SNTB2: variants seen among roughly 807,000 people sequenced by gnomAD.
SNTB2 encodes the protein syntrophin beta 2, also known as beta-2-syntrophin.
A neutral mutation model predicts 46.2 loss-of-function variants in SNTB2; 34 were observed. That is an observed-to-expected ratio of 0.74 (90% CI 0.56 to 0.98). The LOEUF is 0.98. Among genes scored for constraint, SNTB2 ranks in the 50% least tolerant of loss-of-function variants. The pLI is 0.00. For missense variants in SNTB2, 603 were observed against 731.4 expected (o/e 0.82, Z 2.02); for synonymous variants, 290 against 312.6 (o/e 0.93, Z 0.76).
Position 69,187,194 on chromosome 16 carries a change from G to C in SNTB2, c.28G>C (p.Ala10Pro). The C allele has an allele frequency of 7.2e-7, 1 of 1,384,152 alleles. No homozygotes were observed. Among genetic ancestry groups the C allele is most frequent in the Non-Finnish European group, 9.4e-7 (1 of 1,066,928 alleles). 85.7% of individuals were successfully genotyped at this position (1,384,152 alleles called of 1,614,324 possible). The part of the protein sequence containing the change: MRVAAATAA[A>P]GAGPAMAVWT... ...GAGGGTAGCTGCGGCGACTGCGGCG[G>C]CTGGAGCGGGGCCGGCCATGGCGGT... Residue 10 changes from alanine (A) to proline (P), a missense_variant, in exon 1 of 7, where the codon GCT becomes CCT. Physicochemically the swap from Ala to Pro is conservative, Grantham distance 27. This residue lies in a region of SNTB2 where 66 missense variants were observed against 39.0 expected (regional missense o/e 1.69). Coordinates refer to ENST00000336278, the MANE Select transcript of SNTB2 (RefSeq NM_006750.4).
intron 3 of SNTB2, among the ~76,000 whole-genome samples, chr16:69,268,601 A>G (rs929197434): frequency 6.6e-6 from 1 of 152,220 alleles, no homozygotes; most frequent in Admixed American, 6.5e-5. Context: ...GCGTTGGCTC[A>G]CGCCTGTAAT....
chr16:69,229,051 A>G (rs1567402700), intron 1 of SNTB2, among the ~76,000 whole-genome samples: 1 of 152,194 alleles, frequency 6.6e-6, no homozygotes, highest in Non-Finnish European at 1.5e-5. Flanking sequence ...GCAATTCCAT[A>G]CTGATACCCC....
At chr16:69,214,983 A>G (rs1182917818) in intron 1 of SNTB2, among the ~76,000 whole-genome samples, 1 of 151,600 alleles carries the variant, frequency 6.6e-6, no homozygotes, top group Non-Finnish European at 1.5e-5. Context: ...AGCTGGGATT[A>G]CAGGCATGTG....
At chr16:69,292,373 TATATA>T (rs1474698034) in intron 5 of SNTB2, among the ~76,000 whole-genome samples, 4 of 41,258 alleles carry the variant, frequency 9.7e-5, no homozygotes, top group Non-Finnish European at 1.7e-4. Context: ...TATATATATA[TATATA>T]TTATATATAT....
At position 69,303,773 on chromosome 16, in the gene SNTB2, T is replaced by C. The variant is rs1402573686; in HGVS notation, c.*2849T>C. Reference sequence around the variant, plus strand: ...AATGGGACACCATGATAAATATGTATTTATATTTAGATGCCAAAGTATGGC... The same window carrying C: ...AATGGGACACCATGATAAATATGTACTTATATTTAGATGCCAAAGTATGGC... On this transcript the variant is annotated 3_prime_UTR_variant, in exon 7 of 7. Transcript: ENST00000336278. 1.3e-5 allele frequency: 2 copies of C among 152,678 alleles called. No individual in the cohort carries two copies. Among genetic ancestry groups the C allele is most frequent in the African/African-American group, 4.8e-5 (2 of 41,456 alleles). 9.5% of individuals were successfully genotyped at this position (152,678 alleles called of 1,614,324 possible).
Position 69,303,878 on chromosome 16 carries a change from C to A in SNTB2, c.*2954C>A, listed in dbSNP as rs1210959464. On this transcript the variant is annotated 3_prime_UTR_variant, in exon 7 of 7. Transcript: ENST00000336278. ...TATAGAACCAGCTCACTTTTCATTT[C>A]TTTTTCATTTTGAATTAAGAAAATT... The A allele has an allele frequency of 6.6e-6, 1 of 152,336 alleles. No individual in the cohort carries two copies. Among genetic ancestry groups the A allele is most frequent in the South Asian group, 2.1e-4 (1 of 4,834 alleles). The allele number at this position is 152,336 out of a possible 1,614,324, so 9.4% of individuals were successfully genotyped here. A position where few individuals can be genotyped will look rare whatever the true frequency, so the allele number is the denominator to read the frequency against.
At chr16:69,281,344 G>C (rs1965042131) in intron 4 of SNTB2, among the ~76,000 whole-genome samples, 1 of 151,414 alleles carries the variant, frequency 6.6e-6, no homozygotes, top group Non-Finnish European at 1.5e-5. Flanking sequence ...CGATTCTCCT[G>C]TCTCAGCCTC....
intron 5 of SNTB2, among the ~76,000 whole-genome samples, chr16:69,286,373 G>A (rs1317496188): frequency 6.6e-6 from 1 of 152,102 alleles, no homozygotes; most frequent in African/African-American, 2.4e-5. Flanking sequence ...GCAATATATT[G>A]AGGACCCCAT....
chr16:69,273,014 A>T (rs1964953276), intron 4 of SNTB2, among the ~76,000 whole-genome samples: 1 of 152,210 alleles, frequency 6.6e-6, no homozygotes, highest in South Asian at 2.1e-4. Flanking sequence ...GGGAAATGCA[A>T]ATCAAAACCA....
intron 3 of SNTB2, among the ~76,000 whole-genome samples, chr16:69,265,746 G>C (rs1964877777): frequency 6.6e-6 from 1 of 150,572 alleles, no homozygotes; most frequent in African/African-American, 2.4e-5. Context: ...AGAATTGTTT[G>C]AACCTGGGAG....
chr16:69,259,184 C>A (rs1964809005), intron 2 of SNTB2, among the ~76,000 whole-genome samples: 1 of 129,582 alleles, frequency 7.7e-6, no homozygotes, highest in South Asian at 2.4e-4. Context: ...GTTGGTGTTT[C>A]TTTTTTTAAT....
rs866506992 is a variant in SNTB2, at chr16:69,292,397, T to A, written c.1346-7193T>A. 3.8e-3 allele frequency among the ~76,000 whole-genome samples: 109 copies of A among 28,434 alleles called. 15 individuals carry two copies. Among genetic ancestry groups the A allele is most frequent in the African/African-American group, 0.023 (64 of 2,802 alleles). 18.7% of individuals were successfully genotyped at this position (28,434 alleles called of 152,430 possible). ...ATATATATTATATATATATTATATA[T>A]ATATATATATTATATATATATTATA... On this transcript the variant is annotated intron_variant, in intron 5 of 6. Coordinates refer to ENST00000336278, the MANE Select transcript of SNTB2 (RefSeq NM_006750.4).
At chr16:69,188,162 C>G (rs1364551762) in intron 1 of SNTB2, among the ~76,000 whole-genome samples, 1 of 151,718 alleles carries the variant, frequency 6.6e-6, no homozygotes, top group Non-Finnish European at 1.5e-5. Context: ...AAAAGTCCAT[C>G]TTCACCGATG....
chr16:69,187,773 G>GGGGGGGGGGGGGGGGGGGGGGGGGGGGCC, intron 1 of SNTB2, 27 bp downstream of exon 1: 3 of 331,854 alleles, frequency 9.0e-6, no homozygotes, highest in Non-Finnish European at 1.7e-5. Flanking sequence ...GGGAGGGTGG[G>GGGGGGGGGGGGGGGGGGGGGGGGGGGGCC]CAGGCCGCGG....
intron 1 of SNTB2, among the ~76,000 whole-genome samples, chr16:69,190,527 C>T (rs1010932331): frequency 6.6e-6 from 1 of 152,114 alleles, no homozygotes; most frequent in African/African-American, 2.4e-5. Flanking sequence ...TAAATAAGTA[C>T]AGCAGAGGGC....
rs1965276838 is a variant in SNTB2 at position 69,301,416 on chromosome 16, A to G, written c.*492A>G. The stretch of plus-strand genomic sequence containing the variant: ...ATTCCAGATAGGTCGTATGTCTTGG[A>G]ATTTACTGTCCTCACTAGCTCCTTC... On this transcript the variant is annotated 3_prime_UTR_variant, in exon 7 of 7. Coordinates refer to ENST00000336278, the MANE Select transcript of SNTB2 (RefSeq NM_006750.4). The G allele has an allele frequency of 6.3e-6, 1 of 159,922 alleles. No homozygotes were observed. Among genetic ancestry groups the G allele is most frequent in the African/African-American group, 2.4e-5 (1 of 41,490 alleles). 9.9% of individuals were successfully genotyped at this position (159,922 alleles called of 1,614,324 possible).
intron 1 of SNTB2, among the ~76,000 whole-genome samples, chr16:69,206,797 C>T (rs188745318): frequency 2.6e-4 from 39 of 151,436 alleles, no homozygotes; most frequent in African/African-American, 9.4e-4. Context: ...CAGAGTTTTG[C>T]TCTTGTTGCC....
At chr16:69,243,132 A>C (rs1312627728) in intron 1 of SNTB2, among the ~76,000 whole-genome samples, 2 of 151,936 alleles carry the variant, frequency 1.3e-5, no homozygotes, top group Non-Finnish European at 2.9e-5. Flanking sequence ...AATTATTTTG[A>C]GGATTATCTT....
At chr16:69,189,935 GT>G (rs1597165824) in intron 1 of SNTB2, among the ~76,000 whole-genome samples, 1 of 152,110 alleles carries the variant, frequency 6.6e-6, no homozygotes, top group Non-Finnish European at 1.5e-5. Context: ...TAACATGCAG[GT>G]TCTACTTTAT....
Sources: allele counts gnomAD v4.1 joint callset (sites outside exome capture counted in the v4.1 genomes callset), GRCh38; gene constraint gnomAD v4.1.1; regional missense constraint gnomAD v4.1.1; transcripts MANE v1.5; gene names NCBI Gene and HGNC (gene_info 2026-07-23, HGNC 2026-07-21).